Variants in GRHL2 observed in about 807,000 individuals in gnomAD.
The protein encoded by GRHL2 is grainyhead like transcription factor 2.
GRHL2 carries 21 observed loss-of-function variants against 83.8 expected under a neutral mutation model. That is an observed-to-expected ratio of 0.25 (90% CI 0.18 to 0.36). The LOEUF (loss-of-function observed/expected upper bound fraction) is 0.36. GRHL2 is among the 10% of genes least tolerant of loss of function. The pLI is 1.00. For missense variants in GRHL2, 623 were observed against 781.8 expected (o/e 0.80, Z 2.42); for synonymous variants, 280 against 278.9 (o/e 1.00, Z -0.04).
intron 1 of GRHL2, among the ~76,000 whole-genome samples, chr8:101,494,520 C>G (rs1369239910): frequency 6.6e-6 from 1 of 152,122 alleles, no homozygotes; most frequent in Non-Finnish European, 1.5e-5. Context: ...TCTCTCTAGT[C>G]TTCAAGGAAA....
chr8:101,604,986 T>C (rs1812600823), intron 8 of GRHL2, among the ~76,000 whole-genome samples: 1 of 152,224 alleles, frequency 6.6e-6, no homozygotes, highest in African/African-American at 2.4e-5. Context: ...CCGCTGTGTG[T>C]TGAGTTGCAG....
chr8:101,594,546 T>C (rs911434131), intron 7 of GRHL2, among the ~76,000 whole-genome samples: 6 of 152,230 alleles, frequency 3.9e-5, no homozygotes, highest in African/African-American at 1.4e-4. Context: ...CGGACAACTA[T>C]GCATGTGGAA....
At chr8:101,630,491 T>C (rs570203072) in intron 9 of GRHL2, among the ~76,000 whole-genome samples, 2 of 152,326 alleles carry the variant, frequency 1.3e-5, no homozygotes, top group African/African-American at 4.8e-5. Context: ...TCCTTTGTCT[T>C]TTGATTGATT....
At chr8:101,680,107 T>C in the GRHL2 span, among the ~76,000 whole-genome samples, 1 of 117,810 alleles carries the variant, frequency 8.5e-6, no homozygotes, top group Non-Finnish European at 1.7e-5. Flanking sequence ...GGCTAAATGC[T>C]CCAATTAAAA....
At chr8:101,545,870 ATTTTTTTTTTT>A (rs1174568425) in intron 2 of GRHL2, among the ~76,000 whole-genome samples, 72 of 83,624 alleles carry the variant, frequency 8.6e-4, no homozygotes, top group Admixed American at 1.7e-3. Flanking sequence ...TCTTTGTAAC[ATTTTTTTTTTT>A]TTTTTTTTTT....
chr8:101,660,288 T>C (rs768258364), intron 14 of GRHL2, among the ~76,000 whole-genome samples: 160 of 152,350 alleles, frequency 1.1e-3, no homozygotes, highest in Middle Eastern at 3.4e-3. Context: ...TTCATATCCA[T>C]ATATCATATC....
At chr8:101,504,681 T>TA (rs1181674174) in intron 1 of GRHL2, among the ~76,000 whole-genome samples, 13 of 152,022 alleles carry the variant, frequency 8.6e-5, no homozygotes, top group Non-Finnish European at 1.6e-4. Flanking sequence ...ATATTTTTTT[T>TA]AGAGTATAGA....
chr8:101,678,226 G>A, the GRHL2 span, among the ~76,000 whole-genome samples: 3 of 152,176 alleles, frequency 2.0e-5, no homozygotes, highest in South Asian at 4.2e-4. Context: ...GTGGGTGCGC[G>A]CACCGTGTGC....
At chr8:101,615,233 G>T (rs1812830736) in intron 8 of GRHL2, among the ~76,000 whole-genome samples, 1 of 152,196 alleles carries the variant, frequency 6.6e-6, no homozygotes, top group Non-Finnish European at 1.5e-5. Context: ...CCAGTAAGCA[G>T]TTATTTCAGT....
At chr8:101,680,692 C>G in the GRHL2 span, among the ~76,000 whole-genome samples, 1 of 129,078 alleles carries the variant, frequency 7.7e-6, no homozygotes, top group African/African-American at 3.2e-5. Flanking sequence ...CTCTCCTCAG[C>G]AAATGTAAAA....
the GRHL2 span, among the ~76,000 whole-genome samples, chr8:101,680,746 C>A: frequency 7.7e-6 from 1 of 129,180 alleles, no homozygotes; most frequent in South Asian, 2.8e-4. Flanking sequence ...ACAGTGCAAT[C>A]AAACTAGAAC....
At chr8:101,503,054 AT>A (rs951434189) in intron 1 of GRHL2, among the ~76,000 whole-genome samples, 3 of 152,188 alleles carry the variant, frequency 2.0e-5, no homozygotes, top group Admixed American at 6.5e-5. Flanking sequence ...ATGATCATTT[AT>A]TTAGGTCGGG....
the GRHL2 span, among the ~76,000 whole-genome samples, chr8:101,678,307 A>T: frequency 6.6e-6 from 1 of 152,148 alleles, no homozygotes; most frequent in Non-Finnish European, 1.5e-5. Context: ...TTTCCTAGTC[A>T]AAGAAAGGGG....
intron 7 of GRHL2, among the ~76,000 whole-genome samples, chr8:101,595,396 A>G (rs997313335): frequency 4.6e-5 from 7 of 152,230 alleles, no homozygotes; most frequent in African/African-American, 9.6e-5. Context: ...ATGTTTGAAC[A>G]AATTTTCTTG....
At chr8:101,600,192 C>T (rs915345517) in intron 8 of GRHL2, among the ~76,000 whole-genome samples, 1 of 152,156 alleles carries the variant, frequency 6.6e-6, no homozygotes, top group African/African-American at 2.4e-5. Flanking sequence ...CTGAGAAAGG[C>T]GGCCCAAATG....
Position 101,607,298 on chromosome 8 carries a change from AAGG to A in GRHL2, c.1098+8150_1098+8152del, listed in dbSNP as rs146065970. On this transcript the variant is annotated intron_variant, in intron 8 of 15. Transcript: ENST00000646743. ...TGCTGACCTCCACTGCTGGATACCA[AAGG>A]AGAAGGGAAGATGTGTAAACACTGT... Among the ~76,000 whole-genome samples, 504 of 152,322 alleles carry A rather than the reference AAGG, an allele frequency of 3.3e-3. 1 individual carries two copies. Among genetic ancestry groups the A allele is most frequent in the Non-Finnish European group, 5.4e-3 (367 of 68,022 alleles).
chr8:101,629,337 G>C (rs1324854389), intron 9 of GRHL2, among the ~76,000 whole-genome samples: 1 of 151,366 alleles, frequency 6.6e-6, no homozygotes, highest in African/African-American at 2.4e-5. Context: ...GTATTTTTAA[G>C]TTAAGGTATG....
intron 2 of GRHL2, among the ~76,000 whole-genome samples, chr8:101,545,351 G>A (rs1811238169): frequency 6.8e-6 from 1 of 147,040 alleles, no homozygotes; most frequent in Non-Finnish European, 1.5e-5. Flanking sequence ...TTAACTTTGG[G>A]GGACTTGGGC....
intron 14 of GRHL2, among the ~76,000 whole-genome samples, chr8:101,660,729 C>A (rs1813902953): frequency 6.6e-6 from 1 of 152,096 alleles, no homozygotes; most frequent in African/African-American, 2.4e-5. Context: ...TGAAGTAATT[C>A]TTCACTACTA....
Sources: allele counts gnomAD v4.1 joint callset (sites outside exome capture counted in the v4.1 genomes callset), GRCh38; gene constraint gnomAD v4.1.1; transcripts MANE v1.5; gene names NCBI Gene and HGNC (gene_info 2026-07-23, HGNC 2026-07-21).